INTS1: variants seen among roughly 807,000 people sequenced by gnomAD.
INTS1 encodes integrator complex subunit 1.
Under a neutral mutation model 241.6 loss-of-function variants are expected in INTS1, and 137 were observed. The observed-to-expected ratio is 0.57, with a 90% confidence interval of 0.49 to 0.65. The LOEUF is 0.65. Among genes scored for constraint, INTS1 ranks in the 30% least tolerant of loss-of-function variants. INTS1 has a pLI of 0.00. For missense variants in INTS1, 3,073 were observed against 3,032.2 expected, an observed-to-expected ratio of 1.01 and a Z score of -0.32; for synonymous variants, 1,692 against 1,337.8, an observed-to-expected ratio of 1.26 and a Z score of -5.78.
rs1352694434 is a variant in INTS1 at position 1,485,290 on chromosome 7, C to T, written c.3156G>A (p.Gln1052=). ...VRSTTALALQ[Q]AIHMETDPQT... The stretch of plus-strand genomic sequence containing the variant: ...CCGCGGCCCCGGTCAGCGCCCTCAC[C>T]TGCTGCAGGGCCAGGGCTGTGGTGC... Residue 1052 remains glutamine, a splice_region_variant and synonymous_variant, in exon 23 of 48, where the codon CAG becomes CAA. Transcript: ENST00000404767. 11 of 1,605,768 alleles carry T rather than the reference C, an allele frequency of 6.9e-6. No individual in the cohort carries two copies. Among genetic ancestry groups the T allele is most frequent in the Non-Finnish European group, 9.3e-6 (11 of 1,177,512 alleles).
Position 1,493,343 on chromosome 7 carries a change from G to A in INTS1, c.2069-237C>T, listed in dbSNP as rs1032094035. Among the ~76,000 whole-genome samples, 10 of 152,138 alleles carry A rather than the reference G, an allele frequency of 6.6e-5. No individual in the cohort carries two copies. The highest frequency in any genetic ancestry group is 2.2e-4 in the African/African-American group (9 of 41,422). ...AGAGCAGGCAGGGCTGCCAAGAGAG[G>A]GTAGGGAGGTGAGGACGGGGGTGTG... On this transcript the variant is annotated intron_variant, in intron 15 of 47. Transcript: ENST00000404767. This position sits in a 1 kb window ranked among gnomAD's most constrained non-coding sequence, Gnocchi z 5.3.
At chr7:1,503,612 G>A (rs1476916477) in intron 2 of INTS1, among the ~76,000 whole-genome samples, 2 of 152,238 alleles carry the variant, frequency 1.3e-5, no homozygotes, top group African/African-American at 4.8e-5. Flanking sequence ...GCTACACTGT[G>A]CTGCCTCCCG....
Position 1,470,762 on chromosome 7 carries a change from G to A in INTS1, c.6458-70C>T, listed in dbSNP as rs1235149813. 4.1e-6 allele frequency: 6 copies of A among 1,471,940 alleles called. No homozygotes were observed. The Admixed American group carries it at 6.8e-5, about 17-fold the overall frequency. The allele number at this position is 1,471,940 out of a possible 1,614,324, so 91.2% of individuals were successfully genotyped here. On this transcript the variant is annotated intron_variant, in intron 47 of 47. Coordinates refer to ENST00000404767, the MANE Select transcript of INTS1 (RefSeq NM_001080453.3). ...CCTGGCCGCAGTGACCAGACCTCGG[G>A]ACTCCCAAGAGCCAGCCCTCGGGGG... is the stretch of plus-strand genomic sequence containing the variant.
rs1424561199 is a variant in INTS1, at chr7:1,500,162, G to A, written c.546+8C>T. ...CTGCTCGCCTCCTGCCAGGGGCCCG[G>A]CTCAAACCTCAATGACGCCCTCAGT... On this transcript the variant is annotated splice_region_variant and intron_variant, in intron 4 of 47. Coordinates refer to ENST00000404767, the MANE Select transcript of INTS1 (RefSeq NM_001080453.3). The A allele has an allele frequency of 6.3e-7, 1 of 1,583,904 alleles. No homozygotes were observed. The highest frequency in any genetic ancestry group is 8.6e-7 in the Non-Finnish European group (1 of 1,159,616).
In INTS1 at chr7:1,497,331, C is replaced by T; in HGVS notation, c.1426-17G>A. 1.2e-6 allele frequency: 2 copies of T among 1,606,656 alleles called. No individual in the cohort carries two copies. Among genetic ancestry groups the T allele is most frequent in the Non-Finnish European group, 8.5e-7 (1 of 1,176,406 alleles). ...GGCCAGGAACTGGGGCAGAGAGAGG[C>T]CGCGTGGGAGGCTGCCCGACAGTGC... is the stretch of plus-strand genomic sequence containing the variant. On this transcript the variant is annotated splice_polypyrimidine_tract_variant and intron_variant, in intron 10 of 47. Transcript: ENST00000404767. This position sits in a 1 kb window ranked among gnomAD's most constrained non-coding sequence, Gnocchi z 5.3.
chr7:1,476,546 A>G (rs1248020391), intron 37 of INTS1, 24 bp downstream of exon 37: 2 of 1,611,282 alleles, frequency 1.2e-6, no homozygotes. Context: ...CCTCTCCCGG[A>G]TGGGCCACCC....
chr7:1,488,408 G>A (rs530018198), intron 18 of INTS1, among the ~76,000 whole-genome samples: 21 of 152,226 alleles, frequency 1.4e-4, no homozygotes, highest in African/African-American at 5.1e-4. Context: ...AGCTCCCCAT[G>A]GCCGCTCTAA....
At chr7:1,472,937 C>T in intron 43 of INTS1, 135 bp downstream of exon 43, 1 of 580,066 alleles carries the variant, frequency 1.7e-6, no homozygotes, top group Non-Finnish European at 3.0e-6. Context: ...CAGGGGCCAG[C>T]CAGCAAGGTC....
intron 3 of INTS1, among the ~76,000 whole-genome samples, chr7:1,501,568 C>T (rs1176797508): frequency 6.6e-6 from 1 of 152,128 alleles, no homozygotes; most frequent in Non-Finnish European, 1.5e-5. Flanking sequence ...ACCACGTCTC[C>T]TCTCATCTTC....
chr7:1,480,100 A>G (rs560482142), intron 30 of INTS1, among the ~76,000 whole-genome samples: 47 of 152,274 alleles, frequency 3.1e-4, no homozygotes, highest in African/African-American at 1.0e-3. Context: ...CCCTTCCCCA[A>G]TGTTGGCCTA....
At chr7:1,483,388 G>A (rs1381609203) in intron 26 of INTS1, 9 of 377,152 alleles carry the variant, frequency 2.4e-5, no homozygotes, top group Admixed American at 1.1e-4. Flanking sequence ...GCCTCATGTC[G>A]CACCTCCACA....
At chr7:1,473,035 G>A (rs748767071) in intron 43 of INTS1, 37 bp downstream of exon 43, 14 of 1,427,890 alleles carry the variant, frequency 9.8e-6, no homozygotes, top group African/African-American at 4.2e-5. Context: ...GGACTGTTCC[G>A]CAGCTGCTTC....
intron 30 of INTS1, 50 bp downstream of exon 30, chr7:1,480,267 C>A (rs370851787): frequency 1.3e-6 from 2 of 1,557,950 alleles, no homozygotes; most frequent in Non-Finnish European, 8.7e-7. Flanking sequence ...GAAGGCTGCA[C>A]GCAGGAAGAG....
chr7:1,477,030 G>T, intron 35 of INTS1, 112 bp from the exon 36 acceptor site: 2 of 1,342,750 alleles, frequency 1.5e-6, no homozygotes, highest in Non-Finnish European at 2.0e-6. Context: ...GGCTTGGGGT[G>T]CTGCCGGTAA....
chr7:1,503,869 A>ACCCCCAAAGG (rs1190068149), intron 2 of INTS1, 34 bp downstream of exon 2: 7 of 1,482,218 alleles, frequency 4.7e-6, no homozygotes, highest in Non-Finnish European at 6.4e-6. Flanking sequence ...ACCCCCAAAG[A>ACCCCCAAAGG]CCCCCGGGCT....
rs1389553712 is a variant in INTS1, at chr7:1,474,786, G to C, written c.5555C>G (p.Ser1852Cys). The C allele has an allele frequency of 6.3e-7, 1 of 1,583,942 alleles. No individual in the cohort carries two copies. Among genetic ancestry groups the C allele is most frequent in the Non-Finnish European group, 8.6e-7 (1 of 1,167,594 alleles). ...FITLLADTSD[S>C]RALENRGADA... is the part of the protein sequence containing the mutation. ...CGCCCCTCGGTTCTCCAACGCCCGG[G>C]AGTCGCTGGTGTCCGCAAGGAGCGT... Residue 1852 changes from serine to cysteine, a missense_variant, in exon 40 of 48, where the codon TCC (serine) becomes TGC (cysteine). By Grantham distance (112) the Ser-to-Cys change is moderately radical (BLOSUM62 -1). Coordinates refer to ENST00000404767, the MANE Select transcript of INTS1 (RefSeq NM_001080453.3).
intron 29 of INTS1, 83 bp downstream of exon 29, chr7:1,480,752 C>A: frequency 8.7e-7 from 1 of 1,146,028 alleles, no homozygotes; most frequent in Non-Finnish European, 1.3e-6. Context: ...CAGGCCCCGT[C>A]CCCCTCCCCA....
At chr7:1,485,871 G>T (rs947167686) in intron 22 of INTS1, among the ~76,000 whole-genome samples, 6 of 152,114 alleles carry the variant, frequency 3.9e-5, no homozygotes, top group African/African-American at 1.2e-4. Flanking sequence ...GCAGTGGTGT[G>T]ATCACAGCTC....
At chr7:1,491,985 G>T (rs1199345791) in intron 16 of INTS1, among the ~76,000 whole-genome samples, 2 of 152,196 alleles carry the variant, frequency 1.3e-5, no homozygotes, top group Admixed American at 1.3e-4. Flanking sequence ...AGAAACACGG[G>T]CCATGAGTGC....
Sources: allele counts gnomAD v4.1 joint callset (sites outside exome capture counted in the v4.1 genomes callset), GRCh38; gene constraint gnomAD v4.1.1; non-coding constraint Gnocchi (gnomAD v3.1); transcripts MANE v1.5; gene names NCBI Gene and HGNC (gene_info 2026-07-23, HGNC 2026-07-21).